The following MYLK3 variants were observed in gnomAD, a reference collection of about 807,000 sequenced individuals.
MYLK3 encodes the protein myosin light chain kinase 3.
MYLK3 carries 55 observed loss-of-function variants against 76.3 expected under a neutral mutation model. That is an observed-to-expected ratio of 0.72 (90% CI 0.58 to 0.90). The LOEUF (loss-of-function observed/expected upper bound fraction) is 0.90. MYLK3 is among the 40% of genes least tolerant of loss of function. The pLI is 0.00. For missense variants in MYLK3, 973 were observed against 1,053.6 expected (o/e 0.92, Z 1.06); for synonymous variants, 416 against 425.4 (o/e 0.98, Z 0.27).
At chr16:46,740,542 T>TAC (rs2143016211) in intron 1 of MYLK3, among the ~76,000 whole-genome samples, 1 of 96,876 alleles carries the variant, frequency 1.0e-5, no homozygotes, top group South Asian at 4.4e-4. Flanking sequence ...CATACATATA[T>TAC]ATATATATAT....
intron 9 of MYLK3, among the ~76,000 whole-genome samples, chr16:46,714,687 C>G (rs1346656112): frequency 2.6e-5 from 4 of 152,174 alleles, no homozygotes; most frequent in African/African-American, 9.7e-5. Flanking sequence ...TTTGTAGTTC[C>G]CTCCACAAGA....
chr16:46,737,540 G>T (rs975114400), intron 3 of MYLK3, among the ~76,000 whole-genome samples, 171 bp downstream of exon 3: 1 of 152,188 alleles, frequency 6.6e-6, no homozygotes, highest in Non-Finnish European at 1.5e-5. Flanking sequence ...GTGGGCAGCC[G>T]GTGAGCACTG....
chr16:46,713,471 T>C (rs1166332012), intron 9 of MYLK3, among the ~76,000 whole-genome samples: 1 of 152,206 alleles, frequency 6.6e-6, no homozygotes, highest in Non-Finnish European at 1.5e-5. Context: ...AGTGCTGGAT[T>C]ACATGCATGA....
intron 12 of MYLK3, 96 bp downstream of exon 12, chr16:46,709,443 G>GAA (rs11420228): frequency 0.048 from 54,537 of 1,139,538 alleles, no homozygotes; most frequent in Non-Finnish European, 0.056. Context: ...CCAAAAAGAA[G>GAA]AAAAAAAAAA....
chr16:46,711,485 C>T (rs998553666), intron 10 of MYLK3: 3 of 215,804 alleles, frequency 1.4e-5, no homozygotes, highest in East Asian at 1.6e-4. Flanking sequence ...CTTACCCCTT[C>T]GGTGCACTCC....
At chr16:46,747,080 A>G (rs561077541) in intron 1 of MYLK3, among the ~76,000 whole-genome samples, 7 of 152,242 alleles carry the variant, frequency 4.6e-5, no homozygotes, top group Admixed American at 3.9e-4. Flanking sequence ...TGTTCCCTCT[A>G]CAGACCTCAC....
chr16:46,738,300 T>G (rs1966882912), intron 2 of MYLK3, among the ~76,000 whole-genome samples, 157 bp from the exon 3 acceptor site: 1 of 152,232 alleles, frequency 6.6e-6, no homozygotes, highest in African/African-American at 2.4e-5. Flanking sequence ...GACTAAACCA[T>G]GATGCATCCA....
At chr16:46,756,905 C>A (rs922457429) in intron 1 of MYLK3, among the ~76,000 whole-genome samples, 4 of 152,186 alleles carry the variant, frequency 2.6e-5, no homozygotes, top group African/African-American at 9.7e-5. Flanking sequence ...CACACCTTCT[C>A]CCCGTCTGAC....
At chr16:46,710,492 T>C (rs1488008221) in intron 11 of MYLK3, 145 bp downstream of exon 11, 3 of 874,220 alleles carry the variant, frequency 3.4e-6, no homozygotes. Flanking sequence ...GTTCCCTTTA[T>C]TTTTCCAAAG....
In MYLK3 at chr16:46,727,381, C is replaced by T. The variant is rs1482801118; in HGVS notation, c.1773-4G>A. 2 of 1,603,534 alleles carry T rather than the reference C, an allele frequency of 1.2e-6. No individual in the cohort carries two copies. Among genetic ancestry groups the T allele is most frequent in the Non-Finnish European group, 1.7e-6 (2 of 1,171,806 alleles). ...GAAGAGCTCACCCCCGTCCACGCTGCCAGAGCAAAGGGAGAGGCAGGCACC... is the reference window on the plus strand; with the variant it reads ...GAAGAGCTCACCCCCGTCCACGCTGTCAGAGCAAAGGGAGAGGCAGGCACC... On this transcript the variant is annotated splice_polypyrimidine_tract_variant and splice_region_variant and intron_variant, in intron 7 of 12. Coordinates refer to ENST00000394809, the MANE Select transcript of MYLK3 (RefSeq NM_182493.3).
At chr16:46,757,145 G>A (rs768552977) in intron 1 of MYLK3, among the ~76,000 whole-genome samples, 3 of 152,204 alleles carry the variant, frequency 2.0e-5, no homozygotes, top group Middle Eastern at 3.2e-3. Context: ...CAGAGATGAA[G>A]AAGAACTCCA....
chr16:46,754,478 G>A (rs1256610792), intron 1 of MYLK3, among the ~76,000 whole-genome samples: 3 of 152,026 alleles, frequency 2.0e-5, no homozygotes, highest in Admixed American at 1.3e-4. Flanking sequence ...ATGGGAGTGG[G>A]CCTGGTGATT....
intron 6 of MYLK3, 23 bp from the exon 7 acceptor site, chr16:46,729,156 A>G (rs1363719789): frequency 6.3e-7 from 1 of 1,590,118 alleles, no homozygotes; most frequent in African/African-American, 1.3e-5. Flanking sequence ...AGAGGACAGA[A>G]GGATTTCCAA....
At chr16:46,712,613 G>A (rs1596746553) in intron 10 of MYLK3, 35 bp downstream of exon 10, 10 of 1,406,334 alleles carry the variant, frequency 7.1e-6, no homozygotes, top group Non-Finnish European at 9.3e-6. Context: ...AATGACCCCT[G>A]TCCCCACTTC....
chr16:46,729,169 G>A (rs373077434), intron 6 of MYLK3, 36 bp from the exon 7 acceptor site: 46 of 1,548,828 alleles, frequency 3.0e-5, no homozygotes, highest in Middle Eastern at 1.7e-4. Flanking sequence ...ATTTCCAAGC[G>A]AATGAGTCAA....
Position 46,704,733 on chromosome 16 carries a change from G to A in MYLK3, c.*2971C>T, listed in dbSNP as rs1479541195. ...TATAGCCTGTACTATATTTTTGTTGGGCAGTGCTGCTCTAGATATGGTAAT... is the reference window on the plus strand; with the variant it reads ...TATAGCCTGTACTATATTTTTGTTGAGCAGTGCTGCTCTAGATATGGTAAT... On this transcript the variant is annotated 3_prime_UTR_variant, in exon 13 of 13. Coordinates refer to ENST00000394809, the MANE Select transcript of MYLK3 (RefSeq NM_182493.3). 6.6e-6 allele frequency: 1 copy of A among 152,008 alleles called. No homozygotes were observed. Among genetic ancestry groups the A allele is most frequent in the East Asian group, 1.9e-4 (1 of 5,194 alleles). The allele number at this position is 152,008 out of a possible 1,614,324, so 9.4% of individuals were successfully genotyped here.
At chr16:46,726,879 G>A (rs796253301) in intron 8 of MYLK3, 2 of 159,432 alleles carry the variant, frequency 1.3e-5, no homozygotes, top group African/African-American at 2.4e-5. Context: ...GAGGGCTGGC[G>A]GGAGGAACTT....
At chr16:46,735,769 C>G (rs1966865782) in intron 3 of MYLK3, among the ~76,000 whole-genome samples, 1 of 152,198 alleles carries the variant, frequency 6.6e-6, no homozygotes, top group South Asian at 2.1e-4. Flanking sequence ...CCAAGGGACA[C>G]AGGAAACTGC....
At chr16:46,710,145 C>A (rs575643620) in intron 11 of MYLK3, among the ~76,000 whole-genome samples, 1 of 152,316 alleles carries the variant, frequency 6.6e-6, no homozygotes, top group South Asian at 2.1e-4. Context: ...TACAAGCTGT[C>A]TTAGAGCCCA....
Sources: gnomAD v4.1 joint callset for allele counts (sites outside exome capture counted in the v4.1 genomes callset) on GRCh38, gnomAD v4.1.1 for gene constraint, MANE v1.5 for transcripts, NCBI Gene and HGNC (gene_info 2026-07-23, HGNC 2026-07-21) for gene names.